Variants in THOP1 observed in about 807,000 individuals in gnomAD.
THOP1 encodes the protein thimet oligopeptidase.
A neutral mutation model predicts 71.8 loss-of-function variants in THOP1; 49 were observed. The ratio of observed to expected loss-of-function variants is 0.68; its 90% CI spans 0.54 to 0.87. The LOEUF is 0.87. Ranked by LOEUF, THOP1 falls within the 40% of genes least tolerant of loss-of-function variation. The pLI is 0.00. For synonymous variants in THOP1, 426 were observed against 421.5 expected, an observed-to-expected ratio of 1.01 and a Z score of -0.13; for missense variants, 843 against 975.6, an observed-to-expected ratio of 0.86 and a Z score of 1.81.
At chr19:2,798,218 A>G (rs1916064409) in intron 4 of THOP1, among the ~76,000 whole-genome samples, 1 of 151,940 alleles carries the variant, frequency 6.6e-6, no homozygotes, top group African/African-American at 2.4e-5. Flanking sequence ...TTTGATAGAG[A>G]CAGGGTTTTA....
In THOP1 at chr19:2,796,098, C is replaced by T; in HGVS notation, c.396C>T (p.Asp132=). The change falls in exon 4 of 13, where the codon GAC becomes GAT. Residue 132 remains aspartate, a synonymous_variant. Coordinates refer to ENST00000307741, the MANE Select transcript of THOP1 (RefSeq NM_003249.5). ...IVWLQEKVQK[D]SLRPEAARYL... is the part of the protein sequence containing the mutation. ...TATTCCAGGAGAAAGTTCAGAAGGA[C>T]TCACTGAGGCCCGAGGCTGCGCGGT... The T allele has an allele frequency of 6.2e-7, 1 of 1,613,850 alleles. No individual in the cohort carries two copies. The highest frequency in any genetic ancestry group is 8.5e-7 in the Non-Finnish European group (1 of 1,179,922).
At chr19:2,803,563 G>C (rs1161152778) in intron 5 of THOP1, among the ~76,000 whole-genome samples, 1 of 152,196 alleles carries the variant, frequency 6.6e-6, no homozygotes, top group African/African-American at 2.4e-5. Context: ...CTCCCTTGCT[G>C]TCCTTTAACT....
At chr19:2,794,971 C>T in intron 3 of THOP1, 59 bp downstream of exon 3, 1 of 1,565,314 alleles carries the variant, frequency 6.4e-7, no homozygotes, top group Non-Finnish European at 8.7e-7. Context: ...TTACAGGCGC[C>T]CGCCACCACA....
chr19:2,786,829 T>A (rs1379067970), intron 1 of THOP1: 1 of 145,890 alleles, frequency 6.9e-6, no homozygotes, highest in African/African-American at 2.6e-5. Flanking sequence ...AGTGGCGCGA[T>A]CTCGGCTCAC....
intron 5 of THOP1, among the ~76,000 whole-genome samples, chr19:2,800,141 C>T (rs543839471): frequency 5.3e-5 from 8 of 152,312 alleles, no homozygotes; most frequent in Admixed American, 4.6e-4. Flanking sequence ...ACAATTTTCC[C>T]TTGAGACCCC....
At chr19:2,795,255 C>T (rs937690342) in intron 3 of THOP1, among the ~76,000 whole-genome samples, 8 of 152,242 alleles carry the variant, frequency 5.3e-5, no homozygotes, top group Non-Finnish European at 8.8e-5. Context: ...CCACCACGCC[C>T]GGCCACACAT....
At position 2,799,687 on chromosome 19, in the gene THOP1, A is replaced by G. The variant is rs1225278206; in HGVS notation, c.487-2A>G. 1.9e-6 allele frequency: 3 copies of G among 1,609,824 alleles called. No individual in the cohort carries two copies. The highest frequency in any genetic ancestry group is 1.1e-5 in the South Asian group (1 of 91,036). On this transcript the variant is annotated splice_acceptor_variant, in intron 4 of 12. Coordinates refer to ENST00000307741, the MANE Select transcript of THOP1 (RefSeq NM_003249.5). LOFTEE classifies it high-confidence loss of function. ...CCCCTCACGCCCCGCCTTTCTCTCC[A>G]GAACATCAAACGCATCAAGAAGAAG...
rs1916330027 is a variant in THOP1, at chr19:2,807,591, G to T, written c.1036G>T (p.Glu346Ter). 1 of 1,612,564 alleles carries T rather than the reference G, an allele frequency of 6.2e-7. No individual in the cohort carries two copies. The highest frequency in any genetic ancestry group is 1.3e-5 in the African/African-American group (1 of 74,932). Reference protein sequence around the residue: ...DMRYYMNQVEETRYCVDQNLL... With the variant: ...DMRYYMNQVE ...GCGCTACTACATGAACCAGGTGGAGGAGACGCGCTACTGCGTGGACCAGAA... is the reference window on the plus strand; with the variant it reads ...GCGCTACTACATGAACCAGGTGGAGTAGACGCGCTACTGCGTGGACCAGAA... The change falls in exon 8 of 13, where the codon GAG becomes TAG. Residue 346 changes from glutamate to a stop codon, truncating the protein, a stop_gained. Coordinates refer to ENST00000307741, the MANE Select transcript of THOP1 (RefSeq NM_003249.5). LOFTEE classifies it high-confidence loss of function.
chr19:2,790,664 C>T (rs1406840072), intron 2 of THOP1, 31 bp downstream of exon 2: 16 of 1,489,506 alleles, frequency 1.1e-5, no homozygotes, highest in African/African-American at 1.4e-5. Flanking sequence ...GTGCGTGGGC[C>T]GCAGGTGCCG....
intron 8 of THOP1, 144 bp downstream of exon 8, chr19:2,807,952 A>G (rs1403362029): frequency 1.7e-5 from 18 of 1,033,796 alleles, no homozygotes; most frequent in Non-Finnish European, 2.3e-5. Flanking sequence ...ACCCGTGGGC[A>G]CACCACAGGG....
chr19:2,806,770 G>C, intron 6 of THOP1, 147 bp from the exon 7 acceptor site: 10 of 1,373,260 alleles, frequency 7.3e-6, no homozygotes, highest in Non-Finnish European at 1.0e-5. Flanking sequence ...GACCAGAGGA[G>C]TTGTGTAGTA....
intron 5 of THOP1, among the ~76,000 whole-genome samples, chr19:2,802,530 C>A (rs999623122): frequency 2.1e-5 from 3 of 139,964 alleles, no homozygotes; most frequent in Admixed American, 6.8e-5. Flanking sequence ...CCCACACCTC[C>A]CGACACCAAC....
chr19:2,791,402 C>T (rs1173937981), intron 2 of THOP1, among the ~76,000 whole-genome samples: 1 of 115,656 alleles, frequency 8.6e-6, no homozygotes, highest in African/African-American at 5.0e-5. Context: ...GGGCTTCTCT[C>T]GTGTTCCAAG....
chr19:2,799,850 G>C (rs1916105305), intron 5 of THOP1, 59 bp downstream of exon 5: 5 of 1,492,078 alleles, frequency 3.4e-6, no homozygotes, highest in Middle Eastern at 3.5e-4. Context: ...GTGCAGGCCT[G>C]CCAGGCCCTC....
chr19:2,790,392 G>C, intron 1 of THOP1, 29 bp from the exon 2 acceptor site: 3 of 1,500,660 alleles, frequency 2.0e-6, no homozygotes, highest in Non-Finnish European at 2.7e-6. Context: ...AAGCAGACCC[G>C]CCCGGCACTG....
In THOP1 at chr19:2,813,102, G is replaced by T; in HGVS notation, c.1909-13G>T. 1 of 1,602,086 alleles carries T rather than the reference G, an allele frequency of 6.2e-7. No homozygotes were observed. The highest frequency in any genetic ancestry group is 8.5e-7 in the Non-Finnish European group (1 of 1,173,432). ...GGTCCCCACCCGGCCACAGTGCCCT[G>T]TCTCCTCGGCAGGTTGGCATGGATT... On this transcript the variant is annotated splice_polypyrimidine_tract_variant and intron_variant, in intron 12 of 12. Coordinates refer to ENST00000307741, the MANE Select transcript of THOP1 (RefSeq NM_003249.5).
chr19:2,791,963 G>A (rs981206576), intron 2 of THOP1, among the ~76,000 whole-genome samples: 1 of 152,096 alleles, frequency 6.6e-6, no homozygotes, highest in African/African-American at 2.4e-5. Context: ...CTCTCCAGCC[G>A]GCCCCTCGCG....
At chr19:2,792,851 T>C (rs1348166829) in intron 2 of THOP1, among the ~76,000 whole-genome samples, 1 of 152,050 alleles carries the variant, frequency 6.6e-6, no homozygotes, top group African/African-American at 2.4e-5. Context: ...CATTGAGATA[T>C]GATTTGCATA....
chr19:2,810,708 G>A lies in THOP1; in HGVS notation c.1711G>A (p.Asp571Asn). Residue 571 changes from aspartate to asparagine, a missense_variant, in exon 11 of 13, where the codon GAC becomes AAC. By Grantham distance (23) the Asp-to-Asn change is conservative. Coordinates refer to ENST00000307741, the MANE Select transcript of THOP1 (RefSeq NM_003249.5). ...GGCCCTGCACACGCAGACGGACGCAGACCCCGCCGAGGAGTATGCGCGGCT... is the reference window on the plus strand; with the variant it reads ...GGCCCTGCACACGCAGACGGACGCAAACCCCGCCGAGGAGTATGCGCGGCT... The part of the protein sequence containing the change: ...DQALHTQTDA[D>N]PAEEYARLCQ... 6.3e-7 allele frequency: 1 copy of A among 1,584,908 alleles called. No individual in the cohort carries two copies. The highest frequency in any genetic ancestry group is 8.6e-7 in the Non-Finnish European group (1 of 1,165,538).
Sources: gnomAD v4.1 joint callset for allele counts (sites outside exome capture counted in the v4.1 genomes callset) on GRCh38, gnomAD v4.1.1 for gene constraint, MANE v1.5 for transcripts, NCBI Gene and HGNC (gene_info 2026-07-23, HGNC 2026-07-21) for gene names.